PADI2: variants seen among roughly 807,000 people sequenced by gnomAD.
The protein encoded by PADI2 is protein-arginine deiminase type-2.
PADI2 carries 70 observed loss-of-function variants against 81.1 expected under a neutral mutation model. The observed-to-expected ratio is 0.86, with a 90% CI of 0.71 to 1.05. The LOEUF is 1.05. Among genes scored for constraint, PADI2 ranks in the 50% least tolerant of loss-of-function variants. The pLI, the probability that PADI2 is intolerant of heterozygous loss-of-function variation, is 0.00. For synonymous variants in PADI2, 338 were observed against 358.0 expected, an observed-to-expected ratio of 0.94 and a Z score of 0.63; for missense variants, 853 against 889.9, an observed-to-expected ratio of 0.96 and a Z score of 0.53.
At chr1:17,100,701 G>A (rs1931111657) in intron 3 of PADI2, among the ~76,000 whole-genome samples, 2 of 143,486 alleles carry the variant, frequency 1.4e-5, no homozygotes, top group Admixed American at 7.3e-5. Flanking sequence ...TCGCTCTGTC[G>A]CCCAGGCTGG....
intron 3 of PADI2, among the ~76,000 whole-genome samples, chr1:17,100,660 A>ATTT (rs11380769): frequency 1.1e-4 from 15 of 131,052 alleles, no homozygotes; most frequent in South Asian, 9.7e-4. Flanking sequence ...TTGATAGCAA[A>ATTT]TTTTTTTTTT....
intron 1 of PADI2, among the ~76,000 whole-genome samples, chr1:17,114,935 T>C (rs1278378113): frequency 6.6e-6 from 1 of 152,026 alleles, no homozygotes; most frequent in Non-Finnish European, 1.5e-5. Flanking sequence ...GAAGAGGAGA[T>C]CAGTGAGGTA....
rs1164529082 is a variant in PADI2 at position 17,068,875 on chromosome 1, A to C, written c.*169T>G. The C allele has an allele frequency of 4.8e-6, 3 of 620,910 alleles. No homozygotes were observed. The highest frequency in any genetic ancestry group is 8.6e-6 in the Non-Finnish European group (3 of 347,050). 38.5% of individuals were successfully genotyped at this position (620,910 alleles called of 1,614,324 possible). On this transcript the variant is annotated 3_prime_UTR_variant, in exon 16 of 16. Coordinates refer to ENST00000375486, the MANE Select transcript of PADI2 (RefSeq NM_007365.3). Reference sequence around the variant, plus strand: ...CTCACTGGGGATGGCTTCAGAGGACACTGAGGCCCCTCTCAGGGAGGGCAA... The same window carrying C: ...CTCACTGGGGATGGCTTCAGAGGACCCTGAGGCCCCTCTCAGGGAGGGCAA...
intron 12 of PADI2, 123 bp downstream of exon 12, chr1:17,075,556 A>T: frequency 2.2e-6 from 2 of 898,740 alleles, no homozygotes; most frequent in Non-Finnish European, 3.3e-6. Flanking sequence ...AACCAGCTTC[A>T]GCCTACTTCC....
chr1:17,103,676 A>G (rs1280140203), intron 2 of PADI2, among the ~76,000 whole-genome samples: 1 of 152,064 alleles, frequency 6.6e-6, no homozygotes, highest in African/African-American at 2.4e-5. Flanking sequence ...CACAACATCC[A>G]CATGGCTACC....
rs1321908737 is a variant in PADI2, at chr1:17,068,594, G to A, written c.*450C>T. 2.2e-5 allele frequency: 4 copies of A among 178,174 alleles called. No individual in the cohort carries two copies. The highest frequency in any genetic ancestry group is 1.1e-4 in the Admixed American group (2 of 18,276). The allele number at this position is 178,174 out of a possible 1,614,324, so 11.0% of individuals were successfully genotyped here. A position where few individuals can be genotyped will look rare whatever the true frequency, so the allele number is the denominator to read the frequency against. On this transcript the variant is annotated 3_prime_UTR_variant, in exon 16 of 16. Coordinates refer to ENST00000375486, the MANE Select transcript of PADI2 (RefSeq NM_007365.3). ...ATTTGAAATGACGATGGCAGTTCAAGATACGTCTAGGGTCCCGGGGTCCTG... is the reference window on the plus strand; with the variant it reads ...ATTTGAAATGACGATGGCAGTTCAAAATACGTCTAGGGTCCCGGGGTCCTG...
chr1:17,109,595 A>T (rs906136402), intron 1 of PADI2, among the ~76,000 whole-genome samples: 6 of 150,686 alleles, frequency 4.0e-5, no homozygotes, highest in Non-Finnish European at 7.4e-5. Flanking sequence ...GGTTCAAGTG[A>T]TTCTCCTGCC....
chr1:17,100,146 C>T (rs1303441285), intron 3 of PADI2, among the ~76,000 whole-genome samples: 2 of 152,122 alleles, frequency 1.3e-5, no homozygotes, highest in Non-Finnish European at 2.9e-5. Flanking sequence ...AAGAGAAAAC[C>T]TAGAAGGGAC....
chr1:17,083,736 C>A lies in PADI2; in HGVS notation c.1040G>T (p.Arg347Leu), dbSNP rs145518490. Reference protein sequence around the residue: ...VCFQYLNRGDRWIQDEIEFGY... With the variant: ...VCFQYLNRGDLWIQDEIEFGY... ...ACCTGGGCTCCTTACCTGGATCCAG[C>A]GATCGCCTCGGTTTAGGTACTGGAA... Residue 347 changes from arginine (R) to leucine (L), a missense_variant, in exon 9 of 16, where the codon CGC (arginine) becomes CTC (leucine). Transcript: ENST00000375486. 1.2e-6 allele frequency: 2 copies of A among 1,609,798 alleles called. No homozygotes were observed. Among genetic ancestry groups the A allele is most frequent in the African/African-American group, 2.7e-5 (2 of 74,832 alleles).
chr1:17,085,797 G>T lies in PADI2; in HGVS notation c.834+724C>A, dbSNP rs371958483. Among the ~76,000 whole-genome samples the T allele has an allele frequency of 6.4e-4, 97 of 152,310 alleles. No individual in the cohort carries two copies. The East Asian group carries it at 0.015, about 24-fold the overall frequency. On this transcript the variant is annotated intron_variant, in intron 7 of 15. Coordinates refer to ENST00000375486, the MANE Select transcript of PADI2 (RefSeq NM_007365.3). Reference sequence around the variant, plus strand: ...ACCCATTGTATCCTTTCCCAAAGTGGCCTGGGGATAAAAATGAGGGGCTCT... The same window carrying T: ...ACCCATTGTATCCTTTCCCAAAGTGTCCTGGGGATAAAAATGAGGGGCTCT...
At position 17,086,653 on chromosome 1, in the gene PADI2, C is replaced by A; in HGVS notation, c.702G>T (p.Lys234Asn). 1.9e-6 allele frequency: 3 copies of A among 1,614,148 alleles called. No individual in the cohort carries two copies. Among genetic ancestry groups the A allele is most frequent in the Non-Finnish European group, 2.5e-6 (3 of 1,180,032 alleles). Residue 234 changes from lysine to asparagine, a missense_variant, in exon 7 of 16, where the codon AAG becomes AAT. Physicochemically the swap from Lys to Asn is moderately conservative, Grantham distance 94. Coordinates refer to ENST00000375486, the MANE Select transcript of PADI2 (RefSeq NM_007365.3). ...CCGTGTACTTGACCACATGGTAGAG[C>A]TTCCGCCGGCCCAGGATGTGGATAT... is the stretch of plus-strand genomic sequence containing the variant. ...QRYIHILGRR[K>N]LYHVVKYTGG... is the part of the protein sequence containing the mutation.
intron 7 of PADI2, among the ~76,000 whole-genome samples, chr1:17,085,967 G>A (rs1930376942): frequency 6.6e-6 from 1 of 152,208 alleles, no homozygotes; most frequent in African/African-American, 2.4e-5. Context: ...GGCTTCTCTA[G>A]AGGGACAGGA....
intron 8 of PADI2, 148 bp from the exon 9 acceptor site, chr1:17,083,985 G>A (rs2078366603): frequency 3.3e-6 from 2 of 603,646 alleles, no homozygotes; most frequent in East Asian, 2.7e-5. Flanking sequence ...CTTTATAAAG[G>A]CCGCTGGAAT....
chr1:17,104,162 C>T (rs1216851595), intron 2 of PADI2, among the ~76,000 whole-genome samples: 4 of 146,162 alleles, frequency 2.7e-5, no homozygotes, highest in African/African-American at 5.0e-5. Context: ...ATAGGGCAGG[C>T]GTCTGTAGTC....
At chr1:17,103,745 C>A (rs1362352176) in intron 2 of PADI2, among the ~76,000 whole-genome samples, 2 of 149,346 alleles carry the variant, frequency 1.3e-5, no homozygotes, top group African/African-American at 5.0e-5. Context: ...AAAACTCACA[C>A]TAATTTTAAA....
chr1:17,082,512 T>C (rs2078351673), intron 10 of PADI2, 33 bp downstream of exon 10: 7 of 1,336,478 alleles, frequency 5.2e-6, no homozygotes, highest in East Asian at 2.3e-5. Context: ...TCCAGGATCA[T>C]GCTCCACCCG....
intron 12 of PADI2, 150 bp downstream of exon 12, chr1:17,075,529 C>CATA: frequency 1.5e-6 from 1 of 663,008 alleles, no homozygotes; most frequent in Non-Finnish European, 2.4e-6. Context: ...TTTTACCTGC[C>CATA]ACAGCAACAA....
chr1:17,089,546 G>A (rs765668603), intron 6 of PADI2, among the ~76,000 whole-genome samples: 1 of 152,196 alleles, frequency 6.6e-6, no homozygotes, highest in Non-Finnish European at 1.5e-5. Flanking sequence ...TGGAGGACAC[G>A]TTCTAGTCCG....
chr1:17,110,403 G>C (rs971383991), intron 1 of PADI2, among the ~76,000 whole-genome samples: 1 of 152,138 alleles, frequency 6.6e-6, no homozygotes, highest in Non-Finnish European at 1.5e-5. Flanking sequence ...GCTCAGTGTA[G>C]TCTTTGGCAA....
Sources: allele counts gnomAD v4.1 joint callset (sites outside exome capture counted in the v4.1 genomes callset), GRCh38; gene constraint gnomAD v4.1.1; transcripts MANE v1.5; gene names NCBI Gene and HGNC (gene_info 2026-07-23, HGNC 2026-07-21).